Variants in CSMD1 observed in about 807,000 individuals in gnomAD.
The protein encoded by CSMD1 is CUB and Sushi multiple domains 1.
A neutral mutation model predicts 417.5 loss-of-function variants in CSMD1; 213 were observed. That is an observed-to-expected ratio of 0.51 (90% CI 0.46 to 0.57). The LOEUF is 0.57. Among genes scored for constraint, CSMD1 ranks in the 20% least tolerant of loss-of-function variants. The pLI is 0.00. For synonymous variants in CSMD1, 2,862 were observed against 1,736.8 expected (o/e 1.65, Z -16.11); for missense variants, 6,923 against 4,529.7 (o/e 1.53, Z -15.17).
At chr8:3,082,044 T>C (rs1814140317) in intron 49 of CSMD1, among the ~76,000 whole-genome samples, 1 of 152,190 alleles carries the variant, frequency 6.6e-6, no homozygotes, top group Non-Finnish European at 1.5e-5. Flanking sequence ...ATCCCAGATT[T>C]ATCTCTTCCT....
At chr8:4,432,471 T>C (rs534251823) in intron 2 of CSMD1, among the ~76,000 whole-genome samples, 1 of 152,188 alleles carries the variant, frequency 6.6e-6, no homozygotes, top group Non-Finnish European at 1.5e-5. Flanking sequence ...AACTCAAGTA[T>C]CAATTACCCT....
At chr8:4,922,609 G>C (rs190192999) in intron 1 of CSMD1, among the ~76,000 whole-genome samples, 44 of 152,228 alleles carry the variant, frequency 2.9e-4, no homozygotes, top group African/African-American at 1.0e-3. Context: ...ATGAGAGAAG[G>C]TATGCAGATA....
At chr8:3,688,058 C>A (rs1269327845) in intron 7 of CSMD1, among the ~76,000 whole-genome samples, 1 of 152,180 alleles carries the variant, frequency 6.6e-6, no homozygotes, top group African/African-American at 2.4e-5. Flanking sequence ...ACTGCATCTG[C>A]TTTTTGTTCC....
intron 1 of CSMD1, among the ~76,000 whole-genome samples, chr8:4,781,560 C>A (rs574942088): frequency 2.0e-5 from 3 of 152,146 alleles, no homozygotes; most frequent in Non-Finnish European, 2.9e-5. Flanking sequence ...ATAAAAGTTT[C>A]ACTTTTGTGG....
chr8:3,493,876 A>C (rs1796248017), intron 10 of CSMD1, 150 bp from the exon 11 acceptor site: 1 of 548,088 alleles, frequency 1.8e-6, no homozygotes, highest in Admixed American at 3.5e-5. Context: ...AGTTACATGG[A>C]TAATTATATA....
At chr8:3,204,305 G>A (rs1321589793) in intron 31 of CSMD1, among the ~76,000 whole-genome samples, 2 of 151,988 alleles carry the variant, frequency 1.3e-5, no homozygotes, top group African/African-American at 4.8e-5. Context: ...GAATATGGCT[G>A]CTAAATTCCA....
intron 2 of CSMD1, among the ~76,000 whole-genome samples, chr8:4,551,235 C>T (rs889711199): frequency 2.6e-5 from 4 of 151,198 alleles, no homozygotes; most frequent in East Asian, 1.9e-4. Context: ...TGAAAATCCT[C>T]GAATGCAGAG....
chr8:3,736,088 G>A (rs542718940), intron 6 of CSMD1, among the ~76,000 whole-genome samples: 9 of 152,080 alleles, frequency 5.9e-5, no homozygotes, highest in South Asian at 4.1e-4. Context: ...TAAATTCTAC[G>A]TTTCCAACAC....
At chr8:4,176,514 T>G (rs1435626240) in intron 3 of CSMD1, among the ~76,000 whole-genome samples, 1 of 152,112 alleles carries the variant, frequency 6.6e-6, no homozygotes, top group Non-Finnish European at 1.5e-5. Flanking sequence ...ATACCTTCAC[T>G]GTGACATATC....
chr8:4,060,278 T>C (rs1416102515), intron 3 of CSMD1, among the ~76,000 whole-genome samples: 2 of 152,282 alleles, frequency 1.3e-5, no homozygotes, highest in African/African-American at 2.4e-5. Flanking sequence ...AAATTAGGTA[T>C]TGATGGGACG....
At chr8:3,974,244 T>C (rs935654655) in intron 5 of CSMD1, among the ~76,000 whole-genome samples, 7 of 137,150 alleles carry the variant, frequency 5.1e-5, no homozygotes, top group Non-Finnish European at 1.1e-4. Flanking sequence ...AATAATATAA[T>C]TATCTTAAAT....
chr8:4,646,408 G>A (rs570319421), intron 1 of CSMD1, among the ~76,000 whole-genome samples: 2 of 152,234 alleles, frequency 1.3e-5, no homozygotes, highest in African/African-American at 2.4e-5. Flanking sequence ...AAGCTCCAGT[G>A]TCTCAAGGTT....
At chr8:3,830,922 A>G (rs1298179527) in intron 5 of CSMD1, among the ~76,000 whole-genome samples, 2 of 152,100 alleles carry the variant, frequency 1.3e-5, no homozygotes, top group Non-Finnish European at 2.9e-5. Flanking sequence ...CCTCTCACCT[A>G]AAATTATTTC....
chr8:4,427,797 A>T (rs889781461), intron 2 of CSMD1, among the ~76,000 whole-genome samples: 21 of 152,198 alleles, frequency 1.4e-4, no homozygotes, highest in African/African-American at 5.1e-4. Context: ...CACAATGTAT[A>T]ACCCATACAA....
rs1239403873 is a variant in CSMD1 at position 4,876,508 on chromosome 8, CTA to C, written c.85+117822_85+117823del. On this transcript the variant is annotated intron_variant, in intron 1 of 69. Coordinates refer to ENST00000635120, the MANE Select transcript of CSMD1 (RefSeq NM_033225.6). ...TGGAATTAGATTGCTTTTAACAAGA[CTA>C]TGTGTAAACATTTAAGCAAATCAGC... is the stretch of plus-strand genomic sequence containing the variant. Among the ~76,000 whole-genome samples the C allele has an allele frequency of 5.9e-5, 9 of 152,206 alleles. No homozygotes were observed. The South Asian group carries it at 1.2e-3, about 21-fold the overall frequency.
chr8:4,831,302 G>T (rs543886520), intron 1 of CSMD1, among the ~76,000 whole-genome samples: 10 of 152,100 alleles, frequency 6.6e-5, no homozygotes, highest in Non-Finnish European at 8.8e-5. Context: ...CTTTACTTTG[G>T]ATCACATCTT....
At chr8:4,167,676 T>C (rs943739999) in intron 3 of CSMD1, among the ~76,000 whole-genome samples, 1 of 152,206 alleles carries the variant, frequency 6.6e-6, no homozygotes, top group African/African-American at 2.4e-5. Context: ...AAGATATTGG[T>C]TATATGATCA....
rs140220068 is a variant in CSMD1 at position 3,996,227 on chromosome 8, C to G, written c.818+1676G>C. On this transcript the variant is annotated intron_variant, in intron 5 of 69. Coordinates refer to ENST00000635120, the MANE Select transcript of CSMD1 (RefSeq NM_033225.6). ...CCTGACATCTTACTAGCAAGGTGTG[C>G]AGTCAATGCCCAATACCTCTGGACT... Among the ~76,000 whole-genome samples, 715 of 152,276 alleles carry G rather than the reference C, an allele frequency of 4.7e-3. 3 individuals are homozygous for G. Among genetic ancestry groups the G allele is most frequent in the African/African-American group, 0.016 (685 of 41,544 alleles).
intron 1 of CSMD1, among the ~76,000 whole-genome samples, chr8:4,736,653 G>A (rs1810265292): frequency 6.6e-6 from 1 of 152,158 alleles, no homozygotes; most frequent in African/African-American, 2.4e-5. Flanking sequence ...CAAAAGGAAT[G>A]ATTTTTATGC....
Sources: gnomAD v4.1 joint callset for allele counts (sites outside exome capture counted in the v4.1 genomes callset) on GRCh38, gnomAD v4.1.1 for gene constraint, MANE v1.5 for transcripts, NCBI Gene and HGNC (gene_info 2026-07-23, HGNC 2026-07-21) for gene names.